The following PTPRN2 variants were observed in gnomAD, a reference collection of about 807,000 sequenced individuals.
The protein encoded by PTPRN2 is protein tyrosine phosphatase receptor type N2, also known as receptor-type tyrosine-protein phosphatase N2.
In PTPRN2, 74 loss-of-function variants were observed where a neutral mutation model predicts 118.8. The observed-to-expected ratio is 0.62, with a 90% CI of 0.52 to 0.76. The LOEUF (loss-of-function observed/expected upper bound fraction) is 0.76, where lower values mean the gene tolerates loss of function less well. PTPRN2 is among the 30% of genes least tolerant of loss of function. PTPRN2 has a pLI of 0.00. For missense variants in PTPRN2, 1,481 were observed against 1,394.4 expected (o/e 1.06, Z -0.99); for synonymous variants, 641 against 608.0 (o/e 1.05, Z -0.80).
chr7:157,670,041 C>T (rs1410371032), intron 13 of PTPRN2, among the ~76,000 whole-genome samples: 1 of 152,206 alleles, frequency 6.6e-6, no homozygotes, highest in African/African-American at 2.4e-5. Context: ...GATCACGGCT[C>T]GCTCAGGGAC....
intron 14 of PTPRN2, among the ~76,000 whole-genome samples, chr7:157,624,694 T>C (rs916315918): frequency 6.6e-6 from 1 of 152,224 alleles, no homozygotes; most frequent in African/African-American, 2.4e-5. Context: ...CCATCATAAG[T>C]TGGGGGCCGT....
At chr7:157,753,161 C>T (rs918103400) in intron 12 of PTPRN2, among the ~76,000 whole-genome samples, 3 of 152,218 alleles carry the variant, frequency 2.0e-5, no homozygotes, top group South Asian at 2.1e-4. Context: ...AAATCCTAAA[C>T]GCCTCCCTCT....
chr7:157,562,069 G>C (rs1228061770), intron 21 of PTPRN2, among the ~76,000 whole-genome samples: 1 of 152,214 alleles, frequency 6.6e-6, no homozygotes, highest in Non-Finnish European at 1.5e-5. Context: ...CCACGCCACA[G>C]AAAAGAACCT....
At chr7:158,345,878 G>A (rs1807472165) in intron 2 of PTPRN2, among the ~76,000 whole-genome samples, 1 of 152,104 alleles carries the variant, frequency 6.6e-6, no homozygotes, top group South Asian at 2.1e-4. Context: ...AGGAGTGGGG[G>A]TGGGGGGAGT....
At position 157,869,529 on chromosome 7, in the gene PTPRN2, G is replaced by C. The variant is rs918391543; in HGVS notation, c.1788+29144C>G. On this transcript the variant is annotated intron_variant, in intron 12 of 22. Coordinates refer to ENST00000389418, the MANE Select transcript of PTPRN2 (RefSeq NM_002847.5). The surrounding 1 kb of genome is among the most constrained non-coding windows in gnomAD (Gnocchi z 4.2). Reference sequence around the variant, plus strand: ...TGCAAGGGATCAAACCCACCATTTAGTCCATTCCCAAGGCACTGAGGACCT... The same window carrying C: ...TGCAAGGGATCAAACCCACCATTTACTCCATTCCCAAGGCACTGAGGACCT... Among the ~76,000 whole-genome samples the C allele has an allele frequency of 5.3e-5, 8 of 152,142 alleles. No individual in the cohort carries two copies.
chr7:157,749,690 G>T (rs1214537989), intron 12 of PTPRN2, among the ~76,000 whole-genome samples: 5 of 128,838 alleles, frequency 3.9e-5, no homozygotes, highest in Admixed American at 2.5e-4. Context: ...CGGGGTGTCA[G>T]GGTGATTCTG....
At chr7:157,742,419 G>A (rs1346769722) in intron 12 of PTPRN2, among the ~76,000 whole-genome samples, 1 of 152,050 alleles carries the variant, frequency 6.6e-6, no homozygotes, top group African/African-American at 2.4e-5. Flanking sequence ...CTTTGAGATT[G>A]TGAGGGTATT....
intron 2 of PTPRN2, among the ~76,000 whole-genome samples, chr7:158,330,716 G>C (rs1201647896): frequency 9.4e-6 from 1 of 106,156 alleles, no homozygotes; most frequent in East Asian, 2.9e-4. Context: ...CTCACCATAA[G>C]AGCCGACACG....
rs996566762 is a variant in PTPRN2 at position 158,555,350 on chromosome 7, C to T, written c.112+32208G>A. On this transcript the variant is annotated intron_variant, in intron 1 of 22. Transcript: ENST00000389418. The surrounding 1 kb of genome is among the most constrained non-coding windows in gnomAD (Gnocchi z 4.7). Reference sequence around the variant, plus strand: ...AGGCGGCACCAAGCCCAGCGTCGAACGAAGCAGGTCCTTCTCCCTTCACAA... The same window carrying T: ...AGGCGGCACCAAGCCCAGCGTCGAATGAAGCAGGTCCTTCTCCCTTCACAA... 1.3e-5 allele frequency among the ~76,000 whole-genome samples: 2 copies of T among 152,172 alleles called. No individual in the cohort carries two copies. Among genetic ancestry groups the T allele is most frequent in the Admixed American group, 6.5e-5 (1 of 15,288 alleles).
chr7:158,361,290 ACCCTGGCAACCCACAGACCCCGTG>A, intron 2 of PTPRN2, among the ~76,000 whole-genome samples: 2 of 2,600 alleles, frequency 7.7e-4, no homozygotes, highest in Non-Finnish European at 1.7e-3. Context: ...CAGACCCCAC[ACCCTGGCAACCCACAGACCCCGTG>A]TCCACCCTCA....
At chr7:158,180,611 G>A (rs1824620918) in intron 5 of PTPRN2, among the ~76,000 whole-genome samples, 2 of 152,208 alleles carry the variant, frequency 1.3e-5, no homozygotes, top group African/African-American at 4.8e-5. Flanking sequence ...CATCTACAGT[G>A]TATTTCAGCA....
chr7:158,458,809 C>A (rs1478776381), intron 2 of PTPRN2, among the ~76,000 whole-genome samples: 5 of 152,198 alleles, frequency 3.3e-5, no homozygotes, highest in Admixed American at 6.5e-5. Context: ...CCCTTCTAGT[C>A]CCAGCAACAA....
At chr7:157,998,910 G>T (rs1311495527) in intron 11 of PTPRN2, among the ~76,000 whole-genome samples, 2 of 151,872 alleles carry the variant, frequency 1.3e-5, no homozygotes, top group African/African-American at 4.8e-5. Context: ...CCCCACGTAA[G>T]AGGGTTGTGT....
intron 11 of PTPRN2, among the ~76,000 whole-genome samples, chr7:157,949,539 A>C (rs959893689): frequency 9.2e-5 from 14 of 152,366 alleles, no homozygotes; most frequent in African/African-American, 2.6e-4. Flanking sequence ...GTTGAACATC[A>C]TTGAGGGGCT....
rs780540598 is a variant in PTPRN2 at position 157,540,678 on chromosome 7, G to C, written c.*36C>G. On this transcript the variant is annotated 3_prime_UTR_variant, in exon 23 of 23. Transcript: ENST00000389418. The stretch of plus-strand genomic sequence containing the variant: ...ATCATGATTCCTGACAACATCCGTG[G>C]GGTGGGGGCTCCCCTGAGGCCCCTG... The C allele has an allele frequency of 9.5e-6, 14 of 1,466,930 alleles. No individual in the cohort carries two copies. The South Asian group carries it at 1.7e-4, about 18-fold the overall frequency. 90.9% of individuals were successfully genotyped at this position (1,466,930 alleles called of 1,614,324 possible).
rs188605722 is a variant in PTPRN2, at chr7:158,203,049, C to T, written c.380+2122G>A. 3.8e-3 allele frequency among the ~76,000 whole-genome samples: 575 copies of T among 151,658 alleles called. 3 individuals carry two copies. The highest frequency in any genetic ancestry group is 0.013 in the African/African-American group (523 of 41,406). Reference sequence around the variant, plus strand: ...GAGTTCAAGACCAGCCTGGCCAACACGGCAAAACCCCATCTCTACTAAAAA... The same window carrying T: ...GAGTTCAAGACCAGCCTGGCCAACATGGCAAAACCCCATCTCTACTAAAAA... On this transcript the variant is annotated intron_variant, in intron 4 of 22. Coordinates refer to ENST00000389418, the MANE Select transcript of PTPRN2 (RefSeq NM_002847.5).
chr7:158,211,247 A>G (rs1301611442), intron 3 of PTPRN2, among the ~76,000 whole-genome samples: 2 of 152,230 alleles, frequency 1.3e-5, no homozygotes, highest in Non-Finnish European at 2.9e-5. Context: ...AAAACTCCCT[A>G]GTACACTGGA....
Position 157,800,417 on chromosome 7 carries a change from C to T in PTPRN2, c.1788+98256G>A, listed in dbSNP as rs148613447. Among the ~76,000 whole-genome samples the T allele has an allele frequency of 1.5e-3, 236 of 152,304 alleles. 1 individual carries two copies. The highest frequency in any genetic ancestry group is 3.1e-3 in the East Asian group (16 of 5,168). Reference sequence around the variant, plus strand: ...GGACCCCTAGCGTGCTTCCCCGCTGCGCTCCCAGCTCCTACAACAGTGTCT... The same window carrying T: ...GGACCCCTAGCGTGCTTCCCCGCTGTGCTCCCAGCTCCTACAACAGTGTCT... On this transcript the variant is annotated intron_variant, in intron 12 of 22. Transcript: ENST00000389418.
chr7:158,147,280 G>C (rs1264678547), intron 6 of PTPRN2, among the ~76,000 whole-genome samples: 1 of 108,194 alleles, frequency 9.2e-6, no homozygotes, highest in African/African-American at 3.7e-5. Flanking sequence ...CTCACGCCAC[G>C]TGTCTTTCCC....
Sources: gnomAD v4.1 joint callset for allele counts (sites outside exome capture counted in the v4.1 genomes callset) on GRCh38, gnomAD v4.1.1 for gene constraint, Gnocchi (gnomAD v3.1) non-coding constraint, MANE v1.5 for transcripts, NCBI Gene and HGNC (gene_info 2026-07-23, HGNC 2026-07-21) for gene names.